C11orf52: variants seen among roughly 807,000 people sequenced by gnomAD.
The protein encoded by C11orf52 is chromosome 11 open reading frame 52, also known as uncharacterized protein C11orf52.
A neutral mutation model predicts 11.7 loss-of-function variants in C11orf52; 9 were observed. That is an observed-to-expected ratio of 0.77 (90% CI 0.46 to 1.34). C11orf52 has a LOEUF of 1.34. Among genes scored for constraint, C11orf52 ranks in the 40% most tolerant of loss-of-function variants. The pLI is 0.00. For missense variants in C11orf52, 139 were observed against 154.8 expected (o/e 0.90, Z 0.54); for synonymous variants, 49 against 57.4 (o/e 0.85, Z 0.66).
chr11:111,920,921 A>G (rs1965686868), intron 1 of C11orf52, among the ~76,000 whole-genome samples: 1 of 152,252 alleles, frequency 6.6e-6, no homozygotes, highest in Non-Finnish European at 1.5e-5. Context: ...TAGATAATAC[A>G]TCCTACATTG....
At chr11:111,919,165 C>G (rs1233288581) in intron 1 of C11orf52, 161 bp downstream of exon 1, 1 of 803,762 alleles carries the variant, frequency 1.2e-6, no homozygotes, top group Non-Finnish European at 2.0e-6. Flanking sequence ...CACCTCCTTT[C>G]AGGAGGCCTT....
rs147007936 is a variant in C11orf52 at position 111,925,894 on chromosome 11, C to T, written c.133-66C>T. ...GCGAAGGGACATCAGTTGACCTGCC[C>T]CTGCATTGGAGGTGAGGGGCAAAAC... On this transcript the variant is annotated intron_variant, in intron 3 of 3. Coordinates refer to ENST00000278601, the MANE Select transcript of C11orf52 (RefSeq NM_080659.3). 13,209 of 1,605,416 alleles carry T rather than the reference C, an allele frequency of 8.2e-3. 68 individuals carry two copies. The highest frequency in any genetic ancestry group is 0.025 in the Middle Eastern group (150 of 6,030).
chr11:111,920,511 C>G (rs782247211), intron 1 of C11orf52, among the ~76,000 whole-genome samples: 1 of 151,722 alleles, frequency 6.6e-6, no homozygotes, highest in Non-Finnish European at 1.5e-5. Context: ...GCAGTCCAGA[C>G]TGGGCAACAG....
chr11:111,920,971 C>T (rs10502152), intron 1 of C11orf52, among the ~76,000 whole-genome samples: 46,009 of 151,644 alleles, frequency 0.3, 7,873 homozygotes, highest in East Asian at 0.58. Context: ...AAGGATATAG[C>T]GTATGTGAAA....
intron 1 of C11orf52, 48 bp from the exon 2 acceptor site, chr11:111,924,278 C>G: frequency 2.5e-6 from 4 of 1,580,278 alleles, no homozygotes; most frequent in Non-Finnish European, 3.5e-6. Context: ...GGAGGGAAGG[C>G]AGAGGCCAGG....
At chr11:111,924,232 T>A in intron 1 of C11orf52, 94 bp from the exon 2 acceptor site, 1 of 1,225,880 alleles carries the variant, frequency 8.2e-7, no homozygotes. Flanking sequence ...GGGAAGCTCA[T>A]CAGAATGTTA....
At chr11:111,923,730 CA>C (rs1965738733) in intron 1 of C11orf52, 1 of 152,208 alleles carries the variant, frequency 6.6e-6, no homozygotes, top group Non-Finnish European at 1.5e-5. Flanking sequence ...GTTCTGTAGA[CA>C]AAGTTCTCTA....
chr11:111,922,346 C>T (rs1965713855), intron 1 of C11orf52, among the ~76,000 whole-genome samples: 1 of 152,138 alleles, frequency 6.6e-6, no homozygotes, highest in Non-Finnish European at 1.5e-5. Context: ...CTCAATAAAC[C>T]TCCAGAGGCT....
chr11:111,921,831 C>CA (rs1343388352), intron 1 of C11orf52, among the ~76,000 whole-genome samples: 1 of 143,700 alleles, frequency 7.0e-6, no homozygotes, highest in Admixed American at 7.1e-5. Flanking sequence ...ATTATATTAT[C>CA]ATACTCATTT....
intron 1 of C11orf52, among the ~76,000 whole-genome samples, chr11:111,920,434 A>G (rs893880379): frequency 6.6e-6 from 1 of 152,038 alleles, no homozygotes. Context: ...GCTACTTGAG[A>G]AGCTAAGGCA....
intron 1 of C11orf52, chr11:111,923,726 T>C (rs1287213642): frequency 6.6e-6 from 1 of 152,262 alleles, no homozygotes; most frequent in Non-Finnish European, 1.5e-5. Context: ...CCCTGTTCTG[T>C]AGACAAAGTT....
intron 1 of C11orf52, among the ~76,000 whole-genome samples, chr11:111,921,564 C>T (rs587673250): frequency 6.6e-6 from 1 of 152,268 alleles, no homozygotes; most frequent in East Asian, 1.9e-4. Context: ...ATAAAGCACC[C>T]TTTAAACTCT....
intron 3 of C11orf52, 32 bp downstream of exon 3, chr11:111,925,746 C>T: frequency 6.2e-7 from 1 of 1,611,200 alleles, no homozygotes; most frequent in South Asian, 1.1e-5. Flanking sequence ...CTCTCTGGGG[C>T]TGCTCGGACA....
chr11:111,925,648 C>G lies in C11orf52; in HGVS notation c.71-5C>G. The G allele has an allele frequency of 6.2e-7, 1 of 1,614,124 alleles. No individual in the cohort carries two copies. Among genetic ancestry groups the G allele is most frequent in the African/African-American group, 1.3e-5 (1 of 75,030 alleles). On this transcript the variant is annotated splice_region_variant and splice_polypyrimidine_tract_variant and intron_variant, in intron 2 of 3. Coordinates refer to ENST00000278601, the MANE Select transcript of C11orf52 (RefSeq NM_080659.3). ...ATAAACTTAAGTTGGATTTCTTCCC[C>G]TCAGGAAGCCAAACAAGACGGACAC... is the stretch of plus-strand genomic sequence containing the variant.
At position 111,926,385 on chromosome 11, in the gene C11orf52, G is replaced by A; in HGVS notation, c.*186G>A. On this transcript the variant is annotated 3_prime_UTR_variant, in exon 4 of 4. Transcript: ENST00000278601. Reference sequence around the variant, plus strand: ...GCCTCTTACTTGCCACTGTTAGGTTGGAGTTAATAGTTGGTTTAGCTATGG... The same window carrying A: ...GCCTCTTACTTGCCACTGTTAGGTTAGAGTTAATAGTTGGTTTAGCTATGG... 3 of 851,170 alleles carry A rather than the reference G, an allele frequency of 3.5e-6. No individual in the cohort carries two copies. In the East Asian group the frequency reaches 8.0e-5, roughly 23 times the overall value. 52.7% of individuals were successfully genotyped at this position (851,170 alleles called of 1,614,324 possible).
intron 1 of C11orf52, among the ~76,000 whole-genome samples, chr11:111,919,732 G>T (rs1264907130): frequency 6.6e-6 from 1 of 152,180 alleles, no homozygotes. Flanking sequence ...AGTCAGCTGA[G>T]AAACTGAGGC....
At chr11:111,920,307 A>T (rs1054791889) in intron 1 of C11orf52, among the ~76,000 whole-genome samples, 8 of 152,182 alleles carry the variant, frequency 5.3e-5, no homozygotes, top group African/African-American at 1.9e-4. Flanking sequence ...AGGCTGAGGC[A>T]GGCAGATGAC....
In C11orf52 at chr11:111,920,217, G is replaced by GAATAA. The variant is rs587622493; in HGVS notation, c.32+1230_32+1234dup. Among the ~76,000 whole-genome samples the GAATAA allele has an allele frequency of 1.3e-3, 201 of 151,564 alleles. 3 individuals are homozygous for GAATAA. The highest frequency in any genetic ancestry group is 0.013 in the East Asian group (68 of 5,162). On this transcript the variant is annotated intron_variant, in intron 1 of 3. Transcript: ENST00000278601. Reference sequence around the variant, plus strand: ...CTCAAAAATAAAATAAAATAAAATAGAATAAAATAAAATAAAATAAATTAA... The same window carrying GAATAA: ...CTCAAAAATAAAATAAAATAAAATAGAATAAAATAAAATAAAATAAAATAAATTAA...
At position 111,926,069 on chromosome 11, in the gene C11orf52, TTCAAGTGTGCAGCCGTCCCCATGCCCGG is replaced by T; in HGVS notation, c.243_270del (p.Ile81MetfsTer3). 1.9e-6 allele frequency: 3 copies of T among 1,614,248 alleles called. No homozygotes were observed. The highest frequency in any genetic ancestry group is 1.7e-6 in the Non-Finnish European group (2 of 1,180,048). ...GACAGCAACTTACATTATGCTGACA[TTCAAGTGTGCAGCCGTCCCCATGCCCGG>T]GAAGTGAAACACGTGCATTTAGAAA... On this transcript the variant is annotated frameshift_variant, in exon 4 of 4. Coordinates refer to ENST00000278601, the MANE Select transcript of C11orf52 (RefSeq NM_080659.3). LOFTEE classifies it low-confidence loss of function (END_TRUNC).
Sources: gnomAD v4.1 joint callset for allele counts (sites outside exome capture counted in the v4.1 genomes callset) on GRCh38, gnomAD v4.1.1 for gene constraint, MANE v1.5 for transcripts, NCBI Gene and HGNC (gene_info 2026-07-23, HGNC 2026-07-21) for gene names.